ADAMTS20: variants seen among roughly 807,000 people sequenced by gnomAD.
ADAMTS20 encodes ADAM metallopeptidase with thrombospondin type 1 motif 20, also known as A disintegrin and metalloproteinase with thrombospondin motifs 20.
In ADAMTS20, 225 loss-of-function variants were observed where a neutral mutation model predicts 260.1. The observed-to-expected ratio is 0.87, with a 90% CI of 0.78 to 0.97. The LOEUF is 0.97. Ranked by LOEUF, ADAMTS20 falls within the 50% of genes least tolerant of loss-of-function variation. ADAMTS20 has a pLI of 0.00. For synonymous variants in ADAMTS20, 802 were observed against 769.5 expected (o/e 1.04, Z -0.70); for missense variants, 2,400 against 2,337.7 (o/e 1.03, Z -0.55).
In ADAMTS20 at chr12:43,458,395, C is replaced by T. The variant is rs115389726; in HGVS notation, c.1615-4343G>A. 3.1e-3 allele frequency among the ~76,000 whole-genome samples: 467 copies of T among 152,310 alleles called. 1 individual carries two copies. Among genetic ancestry groups the T allele is most frequent in the African/African-American group, 0.011 (442 of 41,564 alleles). On this transcript the variant is annotated intron_variant, in intron 11 of 38. Coordinates refer to ENST00000389420, the MANE Select transcript of ADAMTS20 (RefSeq NM_025003.5). ...TTTCTTTCACACCTGCAATGCCCTA[C>T]GAAATCTTCCTTCAGTTACTTCTTA...
intron 28 of ADAMTS20, among the ~76,000 whole-genome samples, chr12:43,401,811 T>C (rs1426046459): frequency 6.6e-6 from 1 of 151,648 alleles, no homozygotes; most frequent in African/African-American, 2.4e-5. Flanking sequence ...TTATACTCCT[T>C]GCTTTCTTGA....
chr12:43,440,108 C>G (rs1302296617), intron 16 of ADAMTS20, 39 bp from the exon 17 acceptor site: 1 of 1,375,080 alleles, frequency 7.3e-7, no homozygotes, highest in East Asian at 2.5e-5. Context: ...AATAGTAACA[C>G]CAATCAACAA....
Position 43,377,559 on chromosome 12 carries a change from C to A in ADAMTS20, c.4801G>T (p.Ala1601Ser). The A allele has an allele frequency of 6.2e-7, 1 of 1,606,080 alleles. No individual in the cohort carries two copies. ...IVVTADSSQC[A>S]NNCGFSYRQR... is the part of the protein sequence containing the mutation. ...CTGTAACTAAATCCACAGTTGTTTG[C>A]ACACTGAAAAATACATAATTACAAG... is the stretch of plus-strand genomic sequence containing the variant. Residue 1601 changes from alanine (A) to serine (S), a missense_variant, in exon 32 of 39, where the codon GCA becomes TCA. Ala to Ser is a moderately conservative substitution (Grantham distance 99). Coordinates refer to ENST00000389420, the MANE Select transcript of ADAMTS20 (RefSeq NM_025003.5).
chr12:43,451,251 C>A (rs774400232), intron 14 of ADAMTS20, among the ~76,000 whole-genome samples: 1 of 152,130 alleles, frequency 6.6e-6, no homozygotes, highest in East Asian at 1.9e-4. Flanking sequence ...AGTACACTTA[C>A]TATATTCTTT....
chr12:43,383,456 C>G, intron 31 of ADAMTS20, 102 bp downstream of exon 31: 180 of 1,093,302 alleles, frequency 1.6e-4, no homozygotes, highest in Non-Finnish European at 2.2e-4. Flanking sequence ...CCATCATCTG[C>G]CCTCATATTC....
chr12:43,445,197 T>C (rs543712743), intron 15 of ADAMTS20, among the ~76,000 whole-genome samples: 1 of 152,346 alleles, frequency 6.6e-6, no homozygotes, highest in East Asian at 1.9e-4. Context: ...CGCATTGTTC[T>C]ATTTGCAAAC....
At chr12:43,437,933 T>A (rs1028687268) in intron 18 of ADAMTS20, among the ~76,000 whole-genome samples, 15 of 152,130 alleles carry the variant, frequency 9.9e-5, no homozygotes, top group Non-Finnish European at 1.9e-4. Flanking sequence ...AATTGATAAA[T>A]TCTATAATAT....
chr12:43,422,318 C>T (rs1941251064), intron 28 of ADAMTS20, among the ~76,000 whole-genome samples: 1 of 151,942 alleles, frequency 6.6e-6, no homozygotes, highest in Non-Finnish European at 1.5e-5. Flanking sequence ...TGCATACACA[C>T]TCTTAATTTT....
At chr12:43,384,111 C>T (rs1366010068) in intron 29 of ADAMTS20, 134 bp from the exon 30 acceptor site, 6 of 849,418 alleles carry the variant, frequency 7.1e-6, no homozygotes, top group African/African-American at 5.1e-5. Context: ...ATAAAAAATA[C>T]ATACAATAAG....
chr12:43,380,098 G>A (rs1256952728), intron 31 of ADAMTS20, among the ~76,000 whole-genome samples: 2 of 152,002 alleles, frequency 1.3e-5, no homozygotes, highest in Non-Finnish European at 2.9e-5. Context: ...ACACCATGAC[G>A]AAGTAAGATT....
At chr12:43,377,278 C>T in intron 32 of ADAMTS20, 87 bp downstream of exon 32, 1 of 1,181,870 alleles carries the variant, frequency 8.5e-7, no homozygotes, top group African/African-American at 1.5e-5. Context: ...CTCTGAGGAT[C>T]TAGTTAGACA....
intron 28 of ADAMTS20, among the ~76,000 whole-genome samples, chr12:43,421,397 C>A (rs1032090352): frequency 2.0e-5 from 3 of 151,568 alleles, no homozygotes; most frequent in Non-Finnish European, 4.4e-5. Context: ...ATTCCCAAAG[C>A]ACACTGAATA....
intron 26 of ADAMTS20, among the ~76,000 whole-genome samples, 154 bp downstream of exon 26, chr12:43,428,087 A>C (rs541440336): frequency 3.3e-5 from 5 of 152,344 alleles, no homozygotes; most frequent in African/African-American, 1.2e-4. Flanking sequence ...ATTTGTAATG[A>C]GCATCAAAGA....
intron 36 of ADAMTS20, among the ~76,000 whole-genome samples, chr12:43,372,813 T>TCAG (rs1940135305): frequency 6.6e-6 from 1 of 152,128 alleles, no homozygotes; most frequent in Non-Finnish European, 1.5e-5. Flanking sequence ...AGGTAAAGAT[T>TCAG]CAGGTAGGCT....
At chr12:43,498,526 C>T (rs1287915361) in intron 4 of ADAMTS20, among the ~76,000 whole-genome samples, 2 of 152,080 alleles carry the variant, frequency 1.3e-5, no homozygotes, top group South Asian at 2.1e-4. Context: ...TGACCTTTTC[C>T]TAAATTACCG....
intron 29 of ADAMTS20, among the ~76,000 whole-genome samples, chr12:43,388,855 G>A (rs765626852): frequency 3.9e-5 from 6 of 152,194 alleles, no homozygotes; most frequent in Non-Finnish European, 7.3e-5. Flanking sequence ...GGTGCTGGCA[G>A]ATTCTACATC....
intron 7 of ADAMTS20, among the ~76,000 whole-genome samples, chr12:43,472,229 G>A (rs1348621812): frequency 6.6e-6 from 1 of 151,262 alleles, no homozygotes; most frequent in African/African-American, 2.4e-5. Flanking sequence ...TGGAAGAAAG[G>A]GTATCAGTGA....
At chr12:43,501,481 G>GCGCACACACACACACACACACACACA (rs373746834) in intron 4 of ADAMTS20, among the ~76,000 whole-genome samples, 86 of 117,830 alleles carry the variant, frequency 7.3e-4, no homozygotes, top group South Asian at 3.1e-3. Context: ...GCGCGCGCGC[G>GCGCACACACACACACACACACACACA]CACACACACA....
chr12:43,446,738 T>G, intron 14 of ADAMTS20, 26 bp from the exon 15 acceptor site: 1 of 1,550,990 alleles, frequency 6.4e-7, no homozygotes, highest in Non-Finnish European at 8.9e-7. Context: ...ACAATCAATA[T>G]TATAAGAATG....
Sources: allele counts gnomAD v4.1 joint callset (sites outside exome capture counted in the v4.1 genomes callset), GRCh38; gene constraint gnomAD v4.1.1; transcripts MANE v1.5; gene names NCBI Gene and HGNC (gene_info 2026-07-23, HGNC 2026-07-21).